Variants in ALDH2 observed in about 807,000 individuals in gnomAD.
ALDH2 encodes aldehyde dehydrogenase 2 family member, also known as aldehyde dehydrogenase, mitochondrial.
In ALDH2, 44 loss-of-function variants were observed where a neutral mutation model predicts 59.6. The observed-to-expected ratio is 0.74, with a 90% CI of 0.58 to 0.95. The LOEUF is 0.95. Among genes scored for constraint, ALDH2 ranks in the 40% least tolerant of loss-of-function variants. The pLI is 0.00. For synonymous variants in ALDH2, 291 were observed against 284.0 expected, an observed-to-expected ratio of 1.02 and a Z score of -0.25; for missense variants, 570 against 696.3, an observed-to-expected ratio of 0.82 and a Z score of 2.04.
chr12:111,776,475 C>T (rs2068236182), intron 1 of ALDH2, among the ~76,000 whole-genome samples: 1 of 151,982 alleles, frequency 6.6e-6, no homozygotes. Context: ...AGAATTCAAA[C>T]CCAGGCCGGG....
intron 4 of ALDH2, 26 bp from the exon 5 acceptor site, chr12:111,789,797 G>A (rs892067750): frequency 1.4e-5 from 23 of 1,593,246 alleles, no homozygotes; most frequent in African/African-American, 1.2e-4. Context: ...TCATTGATTC[G>A]AGCTTGAACG....
At chr12:111,807,444 A>G (rs1435734070) in intron 12 of ALDH2, among the ~76,000 whole-genome samples, 1 of 152,170 alleles carries the variant, frequency 6.6e-6, no homozygotes, top group Non-Finnish European at 1.5e-5. Flanking sequence ...GGAGGTGGCC[A>G]TGTGGGTGGA....
intron 3 of ALDH2, 126 bp downstream of exon 3, chr12:111,783,424 G>A: frequency 8.0e-7 from 1 of 1,251,730 alleles, no homozygotes; most frequent in Non-Finnish European, 1.1e-6. Flanking sequence ...CGGGACTGAT[G>A]GGAATGGCAT....
At chr12:111,803,065 C>T (rs545467917) in intron 11 of ALDH2, among the ~76,000 whole-genome samples, 27 of 150,676 alleles carry the variant, frequency 1.8e-4, no homozygotes, top group African/African-American at 6.6e-4. Flanking sequence ...GTAGCATGCA[C>T]CTGTAATCCC....
Position 111,790,353 on chromosome 12 carries a change from C to T in ALDH2, c.553-81C>T. 4 of 1,584,140 alleles carry T rather than the reference C, an allele frequency of 2.5e-6. No individual in the cohort carries two copies. In the South Asian group the frequency reaches 3.4e-5, roughly 14 times the overall value. ...CAGAGAACTCGGTGCTGCTTCTGCC[C>T]TCTGGGGTTGCCACCTTCTGCTACC... On this transcript the variant is annotated intron_variant, in intron 5 of 12. Transcript: ENST00000261733.
rs532258397 is a variant in ALDH2 at position 111,815,017 on chromosome 12, G to A, written c.*5442G>A. 6.6e-6 allele frequency: 1 copy of A among 152,154 alleles called. No homozygotes were observed. Among genetic ancestry groups the A allele is most frequent in the South Asian group, 2.1e-4 (1 of 4,812 alleles). The allele number at this position is 152,154 out of a possible 1,614,324, so 9.4% of individuals were successfully genotyped here. On this transcript the variant is annotated 3_prime_UTR_variant, in exon 13 of 13. Coordinates refer to ENST00000261733, the MANE Select transcript of ALDH2 (RefSeq NM_000690.4). ...GGCTTATTCTGTGAAGGATAAAACA[G>A]AGCTGACATTTGTTCATTTGTATTG...
chr12:111,783,224 A>C lies in ALDH2; in HGVS notation c.286A>C (p.Met96Leu). ...CCAGCTGGGCTCACCTTGGCGCCGC[A>C]TGGACGCATCACACAGGGGCCGGCT... ...AFQLGSPWRR[M>L]DASHRGRLLN... The change falls in exon 3 of 13, where the codon ATG becomes CTG. Residue 96 changes from methionine (M) to leucine (L), a missense_variant. Transcript: ENST00000261733. 1 of 1,613,570 alleles carries C rather than the reference A, an allele frequency of 6.2e-7. No homozygotes were observed. The highest frequency in any genetic ancestry group is 8.5e-7 in the Non-Finnish European group (1 of 1,179,750).
Position 111,795,294 on chromosome 12 carries a change from C to T in ALDH2, c.1083+2512C>T, listed in dbSNP as rs569804761. Among the ~76,000 whole-genome samples the T allele has an allele frequency of 1.3e-4, 20 of 152,126 alleles. No individual in the cohort carries two copies. The East Asian group carries it at 3.1e-3, about 24-fold the overall frequency. On this transcript the variant is annotated intron_variant, in intron 9 of 12. Transcript: ENST00000261733. ...CAGCTAGGGGCACTAACATTTCTTTCTTTCTTTTGAGACCGTCTCGCTCTG... is the reference window on the plus strand; with the variant it reads ...CAGCTAGGGGCACTAACATTTCTTTTTTTCTTTTGAGACCGTCTCGCTCTG...
intron 1 of ALDH2, among the ~76,000 whole-genome samples, chr12:111,778,039 G>T (rs953389734): frequency 1.3e-5 from 2 of 152,116 alleles, no homozygotes; most frequent in African/African-American, 4.8e-5. Flanking sequence ...TTCCTGCTAG[G>T]CCCTTACCTG....
At chr12:111,773,708 C>T (rs1012082691) in intron 1 of ALDH2, among the ~76,000 whole-genome samples, 17 of 152,090 alleles carry the variant, frequency 1.1e-4, no homozygotes, top group African/African-American at 4.8e-5. Flanking sequence ...AATGATCAGA[C>T]CATAAGAATG....
intron 9 of ALDH2, among the ~76,000 whole-genome samples, chr12:111,796,148 C>G (rs976795477): frequency 6.6e-6 from 1 of 150,910 alleles, no homozygotes; most frequent in Non-Finnish European, 1.5e-5. Flanking sequence ...ACGGTGAAAC[C>G]TCATCTCTAC....
In ALDH2 at chr12:111,789,814, T is replaced by C. The variant is rs768023125; in HGVS notation, c.441-9T>C. On this transcript the variant is annotated splice_polypyrimidine_tract_variant and intron_variant, in intron 4 of 12. Coordinates refer to ENST00000261733, the MANE Select transcript of ALDH2 (RefSeq NM_000690.4). ...ATTGATTCGAGCTTGAACGTTTCTT[T>C]GTTTAAAGGTATTATGCCGGCTGGG... 1.2e-6 allele frequency: 2 copies of C among 1,611,822 alleles called. No homozygotes were observed.
intron 4 of ALDH2, among the ~76,000 whole-genome samples, chr12:111,788,394 G>A (rs1400395371): frequency 6.6e-6 from 1 of 152,102 alleles, no homozygotes; most frequent in Non-Finnish European, 1.5e-5. Flanking sequence ...GCTCAACATC[G>A]TACAATGCCC....
chr12:111,808,661 C>T (rs552089657), intron 12 of ALDH2, among the ~76,000 whole-genome samples: 12 of 152,008 alleles, frequency 7.9e-5, no homozygotes, highest in South Asian at 2.1e-4. Context: ...GCCGAGATTG[C>T]GCCACTGCAC....
At chr12:111,788,057 T>TA (rs1421204230) in intron 4 of ALDH2, among the ~76,000 whole-genome samples, 1 of 134,632 alleles carries the variant, frequency 7.4e-6, no homozygotes, top group African/African-American at 2.8e-5. Flanking sequence ...AAATAAAAAA[T>TA]AAAAAAATTA....
At position 111,811,968 on chromosome 12, in the gene ALDH2, G is replaced by A. The variant is rs532347397; in HGVS notation, c.*2393G>A. 6.2e-5 allele frequency: 11 copies of A among 178,596 alleles called. No homozygotes were observed. Among genetic ancestry groups the A allele is most frequent in the Non-Finnish European group, 1.2e-4 (11 of 89,226 alleles). The allele number at this position is 178,596 out of a possible 1,614,324, so 11.1% of individuals were successfully genotyped here. On this transcript the variant is annotated 3_prime_UTR_variant, in exon 13 of 13. Coordinates refer to ENST00000261733, the MANE Select transcript of ALDH2 (RefSeq NM_000690.4). ...TGCACTGTTATTTATTGGATACAAA[G>A]CAAAAGGGGCAGGGTAAAGAGTGTG...
At chr12:111,796,061 G>C (rs1316336826) in intron 9 of ALDH2, among the ~76,000 whole-genome samples, 1 of 151,470 alleles carries the variant, frequency 6.6e-6, no homozygotes, top group Non-Finnish European at 1.5e-5. Flanking sequence ...AGGATTTCGA[G>C]ATCAGCCTGG....
intron 9 of ALDH2, among the ~76,000 whole-genome samples, chr12:111,794,864 C>T (rs1171985409): frequency 6.6e-6 from 1 of 152,110 alleles, no homozygotes; most frequent in Non-Finnish European, 1.5e-5. Flanking sequence ...GCATAAAATG[C>T]ACCATTTTAG....
rs574128418 is a variant in ALDH2, at chr12:111,780,816, CTGAG to C, written c.115-1094_115-1091del. 5.7e-4 allele frequency among the ~76,000 whole-genome samples: 87 copies of C among 152,258 alleles called. 1 individual carries two copies. Among genetic ancestry groups the C allele is most frequent in the Non-Finnish European group, 9.4e-4 (64 of 68,008 alleles). On this transcript the variant is annotated intron_variant, in intron 1 of 12. Coordinates refer to ENST00000261733, the MANE Select transcript of ALDH2 (RefSeq NM_000690.4). Reference sequence around the variant, plus strand: ...ATCGCAGGTGTTCATTAAGTGTTTGCTGAGTGAGTGAAGTAATAATCTAGGGCTG... The same window carrying C: ...ATCGCAGGTGTTCATTAAGTGTTTGCTGAGTGAAGTAATAATCTAGGGCTG...
Sources: gnomAD v4.1 joint callset for allele counts (sites outside exome capture counted in the v4.1 genomes callset) on GRCh38, gnomAD v4.1.1 for gene constraint, MANE v1.5 for transcripts, NCBI Gene and HGNC (gene_info 2026-07-23, HGNC 2026-07-21) for gene names.